The following GNA12 variants were observed in gnomAD, a reference collection of about 807,000 sequenced individuals.
GNA12 encodes guanine nucleotide-binding protein subunit alpha-12.
A neutral mutation model predicts 26.0 loss-of-function variants in GNA12; 9 were observed. The ratio of observed to expected loss-of-function variants is 0.35; its 90% CI spans 0.21 to 0.60. The LOEUF (loss-of-function observed/expected upper bound fraction) is 0.60. GNA12 is among the 20% of genes least tolerant of loss of function. The pLI, the probability that GNA12 is intolerant of heterozygous loss-of-function variation, is 0.78. For missense variants in GNA12, 405 were observed against 525.8 expected (o/e 0.77, Z 2.25); for synonymous variants, 264 against 219.6 (o/e 1.20, Z -1.79).
chr7:2,791,097 A>G (rs1792506505), intron 2 of GNA12, among the ~76,000 whole-genome samples: 1 of 152,278 alleles, frequency 6.6e-6, no homozygotes, highest in Admixed American at 6.5e-5. Context: ...GTTAATGAGC[A>G]AGCTATATTT....
intron 2 of GNA12, among the ~76,000 whole-genome samples, chr7:2,766,879 C>T (rs1055388881): frequency 2.0e-5 from 3 of 152,192 alleles, no homozygotes; most frequent in African/African-American, 4.8e-5. Flanking sequence ...TCCAGTTTCT[C>T]CATTCCTCAC....
At chr7:2,825,784 CA>C (rs1356099782) in intron 1 of GNA12, among the ~76,000 whole-genome samples, 1 of 152,150 alleles carries the variant, frequency 6.6e-6, no homozygotes, top group Non-Finnish European at 1.5e-5. Context: ...GGTGGGGCCG[CA>C]GACACAAAGC....
chr7:2,836,170 AGTGAG>A (rs1778832467), intron 1 of GNA12: 1 of 214,566 alleles, frequency 4.7e-6, no homozygotes, highest in Non-Finnish European at 9.6e-6. Flanking sequence ...CAGAGGATAG[AGTGAG>A]GTAATGAAGT....
At chr7:2,786,068 A>G (rs116795404) in intron 2 of GNA12, among the ~76,000 whole-genome samples, 2,489 of 152,326 alleles carry the variant, frequency 0.016, 68 homozygotes, top group African/African-American at 0.057. Flanking sequence ...TTCCGTTTAA[A>G]AAGAAGGTAC....
At chr7:2,805,264 A>G (rs1792916834) in intron 1 of GNA12, among the ~76,000 whole-genome samples, 2 of 152,258 alleles carry the variant, frequency 1.3e-5, no homozygotes, top group African/African-American at 4.8e-5. Context: ...ACACTGTGTT[A>G]AGTACTCACT....
At chr7:2,805,665 G>T (rs1356588607) in intron 1 of GNA12, among the ~76,000 whole-genome samples, 1 of 152,196 alleles carries the variant, frequency 6.6e-6, no homozygotes, top group African/African-American at 2.4e-5. Context: ...TGACCTCTGA[G>T]GACCCAACAC....
rs192945328 is a variant in GNA12, at chr7:2,728,236, G to A, written c.*2945C>T. On this transcript the variant is annotated 3_prime_UTR_variant, in exon 4 of 4. Transcript: ENST00000275364. ...AGCTTACACCATGAACAACTGACCC[G>A]GACCACTACCATTCCAATGGGAGCC... 15 of 152,354 alleles carry A rather than the reference G, an allele frequency of 9.8e-5. No homozygotes were observed. The highest frequency in any genetic ancestry group is 5.2e-4 in the Admixed American group (8 of 15,288). 9.4% of individuals were successfully genotyped at this position (152,354 alleles called of 1,614,324 possible).
chr7:2,799,892 G>T (rs1012799177), intron 1 of GNA12, among the ~76,000 whole-genome samples: 3 of 152,186 alleles, frequency 2.0e-5, no homozygotes, highest in Non-Finnish European at 4.4e-5. Flanking sequence ...AAGCGGAGGT[G>T]AGGAGGCGGA....
chr7:2,806,466 AAAAAAAAAAAAAG>A (rs1406126151), intron 1 of GNA12, among the ~76,000 whole-genome samples: 3 of 151,048 alleles, frequency 2.0e-5, no homozygotes, highest in Non-Finnish European at 4.4e-5. Context: ...TCAAAAAAAA[AAAAAAAAAAAAAG>A]AAAAAGAAAA....
At chr7:2,785,686 T>C (rs1156546270) in intron 2 of GNA12, among the ~76,000 whole-genome samples, 2 of 146,542 alleles carry the variant, frequency 1.4e-5, no homozygotes, top group Non-Finnish European at 3.0e-5. Context: ...GTAAGTGTAT[T>C]GTGTATGTGC....
At position 2,728,922 on chromosome 7, in the gene GNA12, G is replaced by C. The variant is rs1008123341; in HGVS notation, c.*2259C>G. On this transcript the variant is annotated 3_prime_UTR_variant, in exon 4 of 4. Transcript: ENST00000275364. ...GTGGGGTCAGCGCTGAGCGGGTCAA[G>C]AGCCCGCGCCGGGGGCCATCCCCCT... 6.6e-6 allele frequency: 1 copy of C among 152,426 alleles called. No homozygotes were observed. The highest frequency in any genetic ancestry group is 6.5e-5 in the Admixed American group (1 of 15,294). 9.4% of individuals were successfully genotyped at this position (152,426 alleles called of 1,614,324 possible).
At chr7:2,773,618 G>A (rs140977221) in intron 2 of GNA12, among the ~76,000 whole-genome samples, 1 of 152,250 alleles carries the variant, frequency 6.6e-6, no homozygotes, top group Non-Finnish European at 1.5e-5. Flanking sequence ...CCACCAGAAT[G>A]GCTATTTGAA....
chr7:2,812,636 A>C (rs149192294), intron 1 of GNA12, among the ~76,000 whole-genome samples: 47 of 134,190 alleles, frequency 3.5e-4, no homozygotes, highest in South Asian at 1.0e-3. Context: ...TCTCAAAAAT[A>C]ACATCACATC....
chr7:2,779,669 G>C (rs1019876675), intron 2 of GNA12, among the ~76,000 whole-genome samples: 1 of 152,034 alleles, frequency 6.6e-6, no homozygotes, highest in Non-Finnish European at 1.5e-5. Context: ...TGTGATCTTG[G>C]CTCACTACAA....
intron 2 of GNA12, among the ~76,000 whole-genome samples, chr7:2,759,361 TCTAAGGGCCTCC>T (rs1304723733): frequency 6.6e-6 from 1 of 152,106 alleles, no homozygotes; most frequent in Non-Finnish European, 1.5e-5. Context: ...CCTGCACTGT[TCTAAGGGCCTCC>T]CCCATATCAC....
chr7:2,818,759 G>GAAA lies in GNA12; in HGVS notation c.310-23619_310-23617dup, dbSNP rs71026564. The stretch of plus-strand genomic sequence containing the variant: ...GCGTGGGTGACAGAGACCCTAACTT[G>GAAA]AAAAAAAAAAAAAAAAGCAAAGGAC... On this transcript the variant is annotated intron_variant, in intron 1 of 3. Transcript: ENST00000275364. Among the ~76,000 whole-genome samples the GAAA allele has an allele frequency of 8.3e-3, 949 of 114,718 alleles. 21 individuals carry two copies. Among genetic ancestry groups the GAAA allele is most frequent in the African/African-American group, 0.028 (817 of 29,370 alleles). The allele number at this position is 114,718 out of a possible 152,430, so 75.3% of individuals were successfully genotyped here. A position where few individuals can be genotyped will look rare whatever the true frequency, so the allele number is the denominator to read the frequency against.
chr7:2,825,768 G>C (rs148686685), intron 1 of GNA12, among the ~76,000 whole-genome samples: 111 of 152,288 alleles, frequency 7.3e-4, no homozygotes, highest in Non-Finnish European at 1.2e-3. Context: ...CCAGGGAAAC[G>C]GCTGTGGTGG....
intron 2 of GNA12, among the ~76,000 whole-genome samples, chr7:2,766,638 G>A (rs544143584): frequency 9.7e-4 from 147 of 152,098 alleles, no homozygotes; most frequent in Admixed American, 2.3e-3. Context: ...CACCCACCTC[G>A]GTCTCCCAAA....
At chr7:2,762,202 T>G (rs961673760) in intron 2 of GNA12, 1 of 168,974 alleles carries the variant, frequency 5.9e-6, no homozygotes, top group Non-Finnish European at 1.3e-5. Context: ...AGGCTTCGTT[T>G]CTAGGAGAAG....
Sources: gnomAD v4.1 joint callset for allele counts (sites outside exome capture counted in the v4.1 genomes callset) on GRCh38, gnomAD v4.1.1 for gene constraint, MANE v1.5 for transcripts, NCBI Gene and HGNC (gene_info 2026-07-23, HGNC 2026-07-21) for gene names.